Variants in TMEM67 observed in about 807,000 individuals in gnomAD.
TMEM67 encodes the protein meckelin.
TMEM67 carries 124 observed loss-of-function variants against 136.6 expected under a neutral mutation model. The observed-to-expected ratio is 0.91, with a 90% CI of 0.78 to 1.05. The LOEUF is 1.05. TMEM67 is among the 50% of genes least tolerant of loss of function. The pLI is 0.00. For synonymous variants in TMEM67, 364 were observed against 390.5 expected (o/e 0.93, Z 0.80); for missense variants, 1,107 against 1,178.4 (o/e 0.94, Z 0.89).
chr8:93,788,081 A>G lies in TMEM67; in HGVS notation c.1518+132A>G, dbSNP rs1370788390. 8 of 697,478 alleles carry G rather than the reference A, an allele frequency of 1.1e-5. No homozygotes were observed. In the Admixed American group the frequency reaches 1.5e-4, roughly 13 times the overall value. The allele number at this position is 697,478 out of a possible 1,614,324, so 43.2% of individuals were successfully genotyped here. A position where few individuals can be genotyped will look rare whatever the true frequency, so the allele number is the denominator to read the frequency against. ...AATAAACCTTTCTCTACATATAGTC[A>G]AGTCTTAATTATTCTTTACTAATAA... On this transcript the variant is annotated intron_variant, in intron 14 of 27. Coordinates refer to ENST00000453321, the MANE Select transcript of TMEM67 (RefSeq NM_153704.6).
At position 93,797,256 on chromosome 8, in the gene TMEM67, G is replaced by A. The variant is rs1814661649; in HGVS notation, c.1960+23G>A. The A allele has an allele frequency of 2.5e-6, 4 of 1,612,080 alleles. No individual in the cohort carries two copies. The South Asian group carries it at 3.3e-5, about 13-fold the overall frequency. ...AAGGTAACTGAAATAAAAAATATTT[G>A]TACCAAAATTCTTTTGCTACCCTTG... On this transcript the variant is annotated intron_variant, in intron 19 of 27. Coordinates refer to ENST00000453321, the MANE Select transcript of TMEM67 (RefSeq NM_153704.6).
downstream of TMEM67, among the ~76,000 whole-genome samples, chr8:93,818,347 A>G (rs1217880450): frequency 1.3e-5 from 2 of 152,158 alleles, no homozygotes; most frequent in Admixed American, 1.3e-4. Context: ...TGTACTTTGG[A>G]TGCTCCTTAG....
At chr8:93,780,225 A>T (rs1169871421) in intron 7 of TMEM67, among the ~76,000 whole-genome samples, 1 of 151,796 alleles carries the variant, frequency 6.6e-6, no homozygotes, top group Non-Finnish European at 1.5e-5. Flanking sequence ...ACCATTGGAA[A>T]AGCGCAGTGT....
chr8:93,782,444 C>T lies in TMEM67; in HGVS notation c.1115C>T (p.Thr372Ile). Residue 372 changes from threonine to isoleucine, a missense_variant, in exon 11 of 28, where the codon ACA becomes ATA. Coordinates refer to ENST00000453321, the MANE Select transcript of TMEM67 (RefSeq NM_153704.6). ...TRLNAAYSFGTTYQQNCEIPI... is the reference protein window; with the variant it reads ...TRLNAAYSFGITYQQNCEIPI... ...CTAAATGCTGCTTATTCATTTGGAACAACCTACCAACAAAATGTAAGTTTG... is the reference window on the plus strand; with the variant it reads ...CTAAATGCTGCTTATTCATTTGGAATAACCTACCAACAAAATGTAAGTTTG... 6.2e-7 allele frequency: 1 copy of T among 1,612,418 alleles called. No individual in the cohort carries two copies. Among genetic ancestry groups the T allele is most frequent in the Non-Finnish European group, 8.5e-7 (1 of 1,179,320 alleles).
rs1423869993 is a variant in TMEM67, at chr8:93,816,371, G to C, written c.2908-1G>C. 18 of 1,482,742 alleles carry C rather than the reference G, an allele frequency of 1.2e-5. No homozygotes were observed. The highest frequency in any genetic ancestry group is 1.7e-5 in the Non-Finnish European group (18 of 1,075,172). The allele number at this position is 1,482,742 out of a possible 1,614,324, so 91.8% of individuals were successfully genotyped here. ...CATTCTGAATTGTTTTAATTTTCCA[G>C]ATTTTTAGATATATCCGTAATACAG... On this transcript the variant is annotated splice_acceptor_variant, in intron 27 of 27. Transcript: ENST00000453321. LOFTEE classifies it high-confidence loss of function.
At chr8:93,811,522 T>C (rs1477534058) in intron 26 of TMEM67, among the ~76,000 whole-genome samples, 1 of 152,206 alleles carries the variant, frequency 6.6e-6, no homozygotes, top group Non-Finnish European at 1.5e-5. Context: ...CCTGTAAACC[T>C]GTTGTTTCCA....
rs1370201374 is a variant in TMEM67 at position 93,795,521 on chromosome 8, T to A, written c.1773+14T>A. On this transcript the variant is annotated intron_variant, in intron 17 of 27. Coordinates refer to ENST00000453321, the MANE Select transcript of TMEM67 (RefSeq NM_153704.6). ...ATTTTCTTCAAAGTGAGTGAGTTTC[T>A]GAATTTTCCCCAACTGCCAATATCT... 3 of 1,595,050 alleles carry A rather than the reference T, an allele frequency of 1.9e-6. No individual in the cohort carries two copies. Among genetic ancestry groups the A allele is most frequent in the African/African-American group, 2.7e-5 (2 of 74,632 alleles).
Position 93,795,416 on chromosome 8 carries a change from T to C in TMEM67, c.1682T>C (p.Val561Ala). The C allele has an allele frequency of 6.2e-7, 1 of 1,613,886 alleles. No homozygotes were observed. The highest frequency in any genetic ancestry group is 8.5e-7 in the Non-Finnish European group (1 of 1,179,802). The change falls in exon 17 of 28, where the codon GTG (valine) becomes GCG (alanine). Residue 561 changes from valine (V) to alanine (A), a missense_variant. Transcript: ENST00000453321. ...GSPMIDLQTV[V>A]KFLVYYAGDL... is the part of the protein sequence containing the mutation. ...CTTTTTTTTAAATTGCAGACAGTTG[T>C]GAAATTCTTGGTGTACTATGCTGGT...
intron 7 of TMEM67, among the ~76,000 whole-genome samples, chr8:93,775,440 T>C (rs1213783722): frequency 6.6e-6 from 1 of 152,246 alleles, no homozygotes; most frequent in Non-Finnish European, 1.5e-5. Context: ...GCCTATGTCC[T>C]GAATGGTATT....
chr8:93,771,066 C>T lies in TMEM67; in HGVS notation c.652-1523C>T, dbSNP rs1437373684. On this transcript the variant is annotated intron_variant, in intron 6 of 27. Coordinates refer to ENST00000453321, the MANE Select transcript of TMEM67 (RefSeq NM_153704.6). ...GGTCATAGTTGTGTCTGCCACTTCT[C>T]TCCATTGTAAAGGTACTGTGATTAA... Among the ~76,000 whole-genome samples, 5 of 151,854 alleles carry T rather than the reference C, an allele frequency of 3.3e-5. No individual in the cohort carries two copies. In the East Asian group the frequency reaches 7.7e-4, roughly 23 times the overall value.
Position 93,785,327 on chromosome 8 carries a change from G to A in TMEM67, c.1237G>A (p.Val413Met), listed in dbSNP as rs745338810. Residue 413 changes from valine to methionine, a missense_variant, in exon 12 of 28, where the codon GTG (valine) becomes ATG (methionine). By Grantham distance (21) the Val-to-Met change is conservative. Transcript: ENST00000453321. The part of the protein sequence containing the change: ...DENQHQYILA[V>M]PVLNLNLQHN... ...AAATCAACATCAATATATTTTGGCT[G>A]TGCCTGTGTTAAACCTAAATCTTCA... 3.1e-6 allele frequency: 5 copies of A among 1,611,010 alleles called. No homozygotes were observed. The highest frequency in any genetic ancestry group is 4.2e-6 in the Non-Finnish European group (5 of 1,177,788).
At chr8:93,763,693 A>ATACTTGTTAT (rs1222371060) in intron 3 of TMEM67, 149 bp from the exon 4 acceptor site, 1 of 632,154 alleles carries the variant, frequency 1.6e-6, no homozygotes, top group African/African-American at 1.8e-5. Flanking sequence ...TATTATGGAG[A>ATACTTGTTAT]TACTTGTTAT....
intron 6 of TMEM67, among the ~76,000 whole-genome samples, chr8:93,770,786 A>G (rs1813294759): frequency 6.6e-6 from 1 of 152,066 alleles, no homozygotes; most frequent in Non-Finnish European, 1.5e-5. Context: ...AGGCTGAGGC[A>G]TGTAGATCAC....
At chr8:93,816,269 A>G (rs1241630716) in intron 27 of TMEM67, 103 bp from the exon 28 acceptor site, 1 of 557,838 alleles carries the variant, frequency 1.8e-6, no homozygotes, top group East Asian at 2.9e-5. Flanking sequence ...GATACATGAA[A>G]ATAGTTGAGA....
rs7837893 is a variant in TMEM67 at position 93,782,005 on chromosome 8, G to A, written c.1065+261G>A. Among the ~76,000 whole-genome samples the A allele has an allele frequency of 0.023, 3,464 of 151,956 alleles. 132 individuals are homozygous for A. The highest frequency in any genetic ancestry group is 0.079 in the African/African-American group (3,286 of 41,444). On this transcript the variant is annotated intron_variant, in intron 10 of 27. Coordinates refer to ENST00000453321, the MANE Select transcript of TMEM67 (RefSeq NM_153704.6). ...GCGATCTCAGCTCACTACAAGCTCCGCCTTGCGGGTTCACGCCATTCTCCT... is the reference window on the plus strand; with the variant it reads ...GCGATCTCAGCTCACTACAAGCTCCACCTTGCGGGTTCACGCCATTCTCCT...
the TMEM67 span, among the ~76,000 whole-genome samples, chr8:93,826,818 TTA>T: frequency 6.6e-6 from 1 of 152,100 alleles, no homozygotes; most frequent in African/African-American, 2.4e-5. Flanking sequence ...TTATATATTT[TTA>T]TGTTTATTTA....
intron 2 of TMEM67, 44 bp from the exon 3 acceptor site, chr8:93,758,439 A>G (rs766696875): frequency 7.0e-7 from 1 of 1,432,174 alleles, no homozygotes; most frequent in Non-Finnish European, 9.8e-7. Flanking sequence ...AGAAGAAGAA[A>G]GTTAATTAAA....
intron 6 of TMEM67, among the ~76,000 whole-genome samples, chr8:93,766,074 C>A (rs1813069365): frequency 6.6e-6 from 1 of 152,064 alleles, no homozygotes; most frequent in Non-Finnish European, 1.5e-5. Context: ...ACATGGTAAT[C>A]ATTAGAGAAA....
intron 6 of TMEM67, among the ~76,000 whole-genome samples, chr8:93,768,368 T>G (rs531658969): frequency 6.6e-6 from 1 of 152,034 alleles, no homozygotes; most frequent in South Asian, 2.1e-4. Flanking sequence ...TCACAGCACT[T>G]TGGGAGGCCG....
Sources: gnomAD v4.1 joint callset for allele counts (sites outside exome capture counted in the v4.1 genomes callset) on GRCh38, gnomAD v4.1.1 for gene constraint, MANE v1.5 for transcripts, NCBI Gene and HGNC (gene_info 2026-07-23, HGNC 2026-07-21) for gene names.